SERINC2: variants seen among roughly 807,000 people sequenced by gnomAD.
SERINC2 encodes the protein tumor differentially expressed protein 2.
In SERINC2, 56 loss-of-function variants were observed where a neutral mutation model predicts 54.2. The ratio of observed to expected loss-of-function variants is 1.03; its 90% confidence interval spans 0.83 to 1.29. SERINC2 has a LOEUF of 1.29. Among genes scored for constraint, SERINC2 ranks in the 50% most tolerant of loss-of-function variants. The pLI, the probability that SERINC2 is intolerant of heterozygous loss-of-function variation, is 0.00. For synonymous variants in SERINC2, 272 were observed against 253.1 expected (o/e 1.07, Z -0.71); for missense variants, 614 against 607.4 (o/e 1.01, Z -0.12).
At chr1:31,432,119 T>TGGAGAGGG (rs1557501382) in intron 8 of SERINC2, among the ~76,000 whole-genome samples, 6 of 9,724 alleles carry the variant, frequency 6.2e-4, no homozygotes, top group South Asian at 4.7e-3. Flanking sequence ...GATAGGGTGG[T>TGGAGAGGG]TAGGGTGGAT....
At chr1:31,422,886 A>T (rs782795986) in intron 1 of SERINC2, among the ~76,000 whole-genome samples, 18 of 152,202 alleles carry the variant, frequency 1.2e-4, no homozygotes, top group Non-Finnish European at 1.9e-4. Flanking sequence ...GGGGCAGAGG[A>T]CCCTGGAGAG....
Position 31,425,929 on chromosome 1 carries a change from C to T in SERINC2, c.610+16C>T. 6.2e-7 allele frequency: 1 copy of T among 1,606,690 alleles called. No individual in the cohort carries two copies. The highest frequency in any genetic ancestry group is 8.5e-7 in the Non-Finnish European group (1 of 1,178,124). ...TGGTACGCAGGTCAGTGCTGCCACC[C>T]TGCCTCCGTGTGGGGACTCGAGCCT... On this transcript the variant is annotated intron_variant, in intron 5 of 9. Transcript: ENST00000373709.
Position 31,413,896 on chromosome 1 carries a change from C to CTCGT in SERINC2, c.39+592_39+593insTCGT. ...TGTCTTCTGTCCGTCTGCCCGTCCG[C>CTCGT]CCGTCCGTCCCTCAGTCTCTCTGCG... is the stretch of plus-strand genomic sequence containing the variant. On this transcript the variant is annotated intron_variant, in intron 1 of 9. Coordinates refer to ENST00000373709, the MANE Select transcript of SERINC2 (RefSeq NM_178865.5). The surrounding 1 kb of genome is among the most constrained non-coding windows in gnomAD (Gnocchi z 5.0). The CTCGT allele has an allele frequency of 7.1e-7, 1 of 1,405,564 alleles. No homozygotes were observed. Among genetic ancestry groups the CTCGT allele is most frequent in the Non-Finnish European group, 9.3e-7 (1 of 1,076,158 alleles). 87.1% of individuals were successfully genotyped at this position (1,405,564 alleles called of 1,614,324 possible).
chr1:31,427,710 G>A (rs1228409736), intron 6 of SERINC2, among the ~76,000 whole-genome samples: 2 of 152,088 alleles, frequency 1.3e-5, no homozygotes, highest in African/African-American at 2.4e-5. Flanking sequence ...CTTTGCAGAT[G>A]AGGAAACAAA....
intron 8 of SERINC2, among the ~76,000 whole-genome samples, chr1:31,430,419 C>T (rs1641163704): frequency 6.6e-6 from 1 of 151,976 alleles, no homozygotes; most frequent in African/African-American, 2.4e-5. Flanking sequence ...TATTTGTAAT[C>T]CAAACACTTT....
intron 3 of SERINC2, among the ~76,000 whole-genome samples, 199 bp downstream of exon 3, chr1:31,425,072 C>T (rs1261278065): frequency 2.6e-5 from 4 of 152,208 alleles, no homozygotes; most frequent in African/African-American, 9.6e-5. Context: ...CCTCAGGCCC[C>T]GCAGCACTTC....
chr1:31,426,129 C>T (rs983409912), intron 5 of SERINC2: 1 of 544,452 alleles, frequency 1.8e-6, no homozygotes, highest in Non-Finnish European at 3.2e-6. Flanking sequence ...CCTGGAGAGG[C>T]CTTGGAGGGG....
upstream of SERINC2, chr1:31,409,829 T>G: frequency 6.4e-7 from 1 of 1,556,080 alleles, no homozygotes; most frequent in African/African-American, 1.4e-5. Context: ...GGCACACATC[T>G]GAGTCCTCAT....
At chr1:31,426,541 A>C in intron 5 of SERINC2, 113 bp from the exon 6 acceptor site, 3 of 801,750 alleles carry the variant, frequency 3.7e-6, no homozygotes. Flanking sequence ...TCAAGTGGGG[A>C]AACTGAGAGC....
intron 1 of SERINC2, chr1:31,414,110 G>A: frequency 6.9e-7 from 1 of 1,446,140 alleles, no homozygotes. Flanking sequence ...GGTTGGGAGA[G>A]CAGGAATCGA....
chr1:31,420,248 G>T (rs1314577489), intron 1 of SERINC2, among the ~76,000 whole-genome samples: 4 of 152,200 alleles, frequency 2.6e-5, no homozygotes, highest in African/African-American at 9.6e-5. Context: ...TCTGGAAGCA[G>T]TGTGTGTTTT....
rs190706066 is a variant in SERINC2 at position 31,424,739 on chromosome 1, C to G, written c.258C>G (p.Ile86Met). The change falls in exon 3 of 10, where the codon ATC (isoleucine) becomes ATG (methionine). Residue 86 changes from isoleucine (I) to methionine (M), a missense_variant. Transcript: ENST00000373709. Reference protein sequence around the residue: ...AGIPTVLQGHIDCGSLLGYRA... With the variant: ...AGIPTVLQGHMDCGSLLGYRA... ...TCCCCACCGTCCTGCAGGGCCACAT[C>G]GACTGTGGCTCCCTGCTTGGCTACC... The G allele has an allele frequency of 1.9e-6, 3 of 1,610,300 alleles. No individual in the cohort carries two copies. Among genetic ancestry groups the G allele is most frequent in the African/African-American group, 2.7e-5 (2 of 75,016 alleles).
chr1:31,431,930 A>T (rs868950427), intron 8 of SERINC2, among the ~76,000 whole-genome samples: 71 of 122,994 alleles, frequency 5.8e-4, no homozygotes, highest in South Asian at 1.2e-3. Context: ...GTTAGGGTGG[A>T]TAGGGTGGTT....
intron 8 of SERINC2, among the ~76,000 whole-genome samples, chr1:31,429,796 G>C (rs1488959338): frequency 6.6e-6 from 1 of 152,138 alleles, no homozygotes; most frequent in Non-Finnish European, 1.5e-5. Context: ...GGTGCAGACG[G>C]CTGTGGGGTC....
At position 31,427,068 on chromosome 1, in the gene SERINC2, G is replaced by A. The variant is rs75145868; in HGVS notation, c.780+245G>A. Among the ~76,000 whole-genome samples the A allele has an allele frequency of 5.6e-3, 855 of 152,250 alleles. 63 individuals are homozygous for A. The East Asian group carries it at 0.14, about 25-fold the overall frequency. ...AATGGAGATAATAAGACCTACTATT[G>A]GAGTTATTCTCAGGATTGAGATCCT... On this transcript the variant is annotated intron_variant, in intron 6 of 9. Transcript: ENST00000373709.
rs1641409230 is a variant in SERINC2 at position 31,434,305 on chromosome 1, C to T, written c.*106C>T. The T allele has an allele frequency of 2.5e-6, 3 of 1,209,310 alleles. No homozygotes were observed. The Admixed American group carries it at 6.0e-5, about 24-fold the overall frequency. 74.9% of individuals were successfully genotyped at this position (1,209,310 alleles called of 1,614,324 possible). On this transcript the variant is annotated 3_prime_UTR_variant, in exon 10 of 10. Transcript: ENST00000373709. ...CACACCAATCAGCCAGGCTGAGCCC[C>T]CACCCCTGCCCCAGCTCCAGGACCT... is the stretch of plus-strand genomic sequence containing the variant.
rs115825120 is a variant in SERINC2, at chr1:31,417,220, G to T, written c.39+3916G>T. On this transcript the variant is annotated intron_variant, in intron 1 of 9. Transcript: ENST00000373709. ...CCTGACTCTCCTCCCTTCCCCCAAA[G>T]ATACCACACACTACCCCATGACCTG... 5.1e-3 allele frequency among the ~76,000 whole-genome samples: 771 copies of T among 152,182 alleles called. 6 individuals are homozygous for T. Among genetic ancestry groups the T allele is most frequent in the African/African-American group, 0.018 (729 of 41,508 alleles).
chr1:31,426,950 G>A, intron 6 of SERINC2, 127 bp downstream of exon 6: 1 of 818,886 alleles, frequency 1.2e-6, no homozygotes. Context: ...TGGGCTCCCA[G>A]GTCAGCCTCC....
At chr1:31,412,179 G>C (rs982210845), upstream of SERINC2, among the ~76,000 whole-genome samples, 1 of 152,106 alleles carries the variant, frequency 6.6e-6, no homozygotes, top group African/African-American at 2.4e-5. Context: ...GGCCAGCTTC[G>C]AGGCACAGAG....
Sources: gnomAD v4.1 joint callset for allele counts (sites outside exome capture counted in the v4.1 genomes callset) on GRCh38, gnomAD v4.1.1 for gene constraint, Gnocchi (gnomAD v3.1) non-coding constraint, MANE v1.5 for transcripts, NCBI Gene and HGNC (gene_info 2026-07-23, HGNC 2026-07-21) for gene names.